Variants in DLGAP2 observed in about 807,000 individuals in gnomAD.
The protein encoded by DLGAP2 is disks large-associated protein 2.
DLGAP2 carries 26 observed loss-of-function variants against 100.3 expected under a neutral mutation model. The observed-to-expected ratio is 0.26, with a 90% confidence interval of 0.19 to 0.36. The LOEUF is 0.36. DLGAP2 is among the 10% of genes least tolerant of loss of function. The pLI is 1.00. For synonymous variants in DLGAP2, 886 were observed against 630.1 expected, an observed-to-expected ratio of 1.41 and a Z score of -6.08; for missense variants, 1,858 against 1,453.2, an observed-to-expected ratio of 1.28 and a Z score of -4.53.
At chr8:1,466,786 C>T (rs966506405) in intron 3 of DLGAP2, among the ~76,000 whole-genome samples, 12 of 152,076 alleles carry the variant, frequency 7.9e-5, no homozygotes, top group Admixed American at 2.0e-4. Flanking sequence ...GTTGGTGAGA[C>T]GTGTGGTAAT....
In DLGAP2 at chr8:923,649, G is replaced by C. The variant is rs1013438063; in HGVS notation, c.73+15683G>C. Among the ~76,000 whole-genome samples the C allele has an allele frequency of 3.4e-4, 52 of 152,156 alleles. 1 individual carries two copies. The highest frequency in any genetic ancestry group is 2.6e-4 in the Admixed American group (4 of 15,282). ...CAGGATTGCATTTTACCAGTTTAGA[G>C]ACCCCTCTGAGCTTGGTGCATAGGG... On this transcript the variant is annotated intron_variant, in intron 2 of 14. Coordinates refer to ENST00000637795, the MANE Select transcript of DLGAP2 (RefSeq NM_001346810.2).
chr8:1,450,696 C>A (rs1238153823), intron 3 of DLGAP2, among the ~76,000 whole-genome samples: 1 of 152,072 alleles, frequency 6.6e-6, no homozygotes, highest in South Asian at 2.1e-4. Context: ...GGCCTATGTC[C>A]CCAGGGCCTT....
At chr8:989,225 TC>T (rs1037822773) in intron 2 of DLGAP2, among the ~76,000 whole-genome samples, 18 of 151,934 alleles carry the variant, frequency 1.2e-4, no homozygotes, top group Non-Finnish European at 2.2e-4. Flanking sequence ...CCAGCAGTGC[TC>T]CCCCGGAGTC....
chr8:1,614,861 G>GCACA (rs149530782), intron 6 of DLGAP2, among the ~76,000 whole-genome samples: 3 of 151,982 alleles, frequency 2.0e-5, no homozygotes, highest in Non-Finnish European at 4.4e-5. Flanking sequence ...ACGTGCACAC[G>GCACA]CACACACACA....
chr8:835,874 C>T (rs1796864281), intron 1 of DLGAP2, among the ~76,000 whole-genome samples: 1 of 152,170 alleles, frequency 6.6e-6, no homozygotes, highest in Non-Finnish European at 1.5e-5. Flanking sequence ...GTCGCTGTCT[C>T]AGAACTGCTT....
intron 1 of DLGAP2, among the ~76,000 whole-genome samples, chr8:859,610 C>T (rs1402009536): frequency 1.3e-5 from 2 of 152,150 alleles, no homozygotes; most frequent in African/African-American, 2.4e-5. Context: ...GCTAGCTGGA[C>T]GTTAGAGTCT....
chr8:1,116,967 A>G (rs976608474), intron 2 of DLGAP2, among the ~76,000 whole-genome samples: 3 of 152,200 alleles, frequency 2.0e-5, no homozygotes, highest in African/African-American at 7.2e-5. Context: ...CGGAAGGGAG[A>G]TCCCAGGATC....
chr8:1,132,681 G>C (rs1439467401), intron 2 of DLGAP2, among the ~76,000 whole-genome samples: 4 of 152,232 alleles, frequency 2.6e-5, no homozygotes, highest in Admixed American at 1.3e-4. Context: ...AGACCAGGCA[G>C]CTGCCGCTCT....
chr8:1,701,324 C>T lies in DLGAP2; in HGVS notation c.3086C>T (p.Ala1029Val). ...ARRRLMAAKR[A>V]ASFRQNSASE... ...AGGCGCCTCATGGCCGCCAAGCGAG[C>T]GGCGTCCTTCCGGCAGAATTCCGCC... Residue 1029 changes from alanine (A) to valine (V), a missense_variant, in exon 15 of 15, where the codon GCG becomes GTG. Ala to Val is a moderately conservative substitution (Grantham distance 64). Transcript: ENST00000637795. The T allele has an allele frequency of 6.3e-7, 1 of 1,589,770 alleles. No homozygotes were observed. Among genetic ancestry groups the T allele is most frequent in the Non-Finnish European group, 8.6e-7 (1 of 1,168,884 alleles).
intron 3 of DLGAP2, among the ~76,000 whole-genome samples, chr8:1,288,616 G>A (rs1245559302): frequency 6.9e-6 from 1 of 145,610 alleles, no homozygotes; most frequent in Non-Finnish European, 1.5e-5. Flanking sequence ...GTGGTAGGAG[G>A]GGAACTAGTT....
At chr8:1,530,121 A>G (rs1584895717) in intron 4 of DLGAP2, among the ~76,000 whole-genome samples, 1 of 152,294 alleles carries the variant, frequency 6.6e-6, no homozygotes, top group East Asian at 1.9e-4. Context: ...CGGTCTGATC[A>G]AAATTTATTT....
intron 3 of DLGAP2, among the ~76,000 whole-genome samples, chr8:1,500,701 A>G (rs1245773410): frequency 6.6e-6 from 1 of 152,270 alleles, no homozygotes; most frequent in Non-Finnish European, 1.5e-5. Context: ...AGTGACCCCA[A>G]GACCTTTTAC....
chr8:1,429,459 AC>A (rs1347677906), intron 3 of DLGAP2, among the ~76,000 whole-genome samples: 5 of 152,176 alleles, frequency 3.3e-5, no homozygotes, highest in Admixed American at 2.0e-4. Flanking sequence ...TCCATACTAA[AC>A]AAAGTACAGG....
intron 1 of DLGAP2, among the ~76,000 whole-genome samples, chr8:852,250 C>T (rs10111200): frequency 0.22 from 33,858 of 152,072 alleles, 4,438 homozygotes; most frequent in Non-Finnish European, 0.3. Flanking sequence ...CACAGACTTC[C>T]GTGTCCCCTC....
At chr8:1,465,955 A>C (rs189990341) in intron 3 of DLGAP2, among the ~76,000 whole-genome samples, 201 of 152,348 alleles carry the variant, frequency 1.3e-3, no homozygotes, top group Middle Eastern at 3.4e-3. Context: ...AGAAAGGAGC[A>C]GTGAACGGAG....
At chr8:978,945 A>G (rs1200825997) in intron 2 of DLGAP2, among the ~76,000 whole-genome samples, 1 of 152,138 alleles carries the variant, frequency 6.6e-6, no homozygotes, top group Non-Finnish European at 1.5e-5. Context: ...GCTGGCAACG[A>G]GTTTAGGGTT....
intron 1 of DLGAP2, among the ~76,000 whole-genome samples, chr8:888,066 G>T (rs1423563045): frequency 6.6e-6 from 1 of 152,104 alleles, no homozygotes; most frequent in South Asian, 2.1e-4. Context: ...TGGAGGCTTT[G>T]TTCATTCCTT....
rs562348610 is a variant in DLGAP2, at chr8:1,006,587, C to T, written c.73+98621C>T. The stretch of plus-strand genomic sequence containing the variant: ...CCTTTATCACGTCGGGGGCGCCCTG[C>T]GTCTCAAGTCTCGGGATGTGGTCCT... On this transcript the variant is annotated intron_variant, in intron 2 of 14. Transcript: ENST00000637795. Among the ~76,000 whole-genome samples the T allele has an allele frequency of 3.1e-4, 15 of 47,712 alleles. No individual in the cohort carries two copies. In the South Asian group the frequency reaches 6.0e-3, roughly 19 times the overall value. 31.3% of individuals were successfully genotyped at this position (47,712 alleles called of 152,430 possible). A position where few individuals can be genotyped will look rare whatever the true frequency, so the allele number is the denominator to read the frequency against.
At chr8:1,455,927 A>G (rs1798298729) in intron 3 of DLGAP2, among the ~76,000 whole-genome samples, 2 of 152,316 alleles carry the variant, frequency 1.3e-5, no homozygotes, top group South Asian at 4.1e-4. Flanking sequence ...AACATGACTG[A>G]GAGGCTGGAT....
Sources: allele counts gnomAD v4.1 joint callset (sites outside exome capture counted in the v4.1 genomes callset), GRCh38; gene constraint gnomAD v4.1.1; transcripts MANE v1.5; gene names NCBI Gene and HGNC (gene_info 2026-07-23, HGNC 2026-07-21).